TEAD3: variants seen among roughly 807,000 people sequenced by gnomAD.
The protein encoded by TEAD3 is transcriptional enhancer factor TEF-5.
A neutral mutation model predicts 55.6 loss-of-function variants in TEAD3; 15 were observed. The observed-to-expected ratio is 0.27, with a 90% confidence interval of 0.18 to 0.42. The LOEUF (loss-of-function observed/expected upper bound fraction) is 0.42, where lower values mean the gene tolerates loss of function less well. Ranked by LOEUF, TEAD3 falls within the 10% of genes least tolerant of loss-of-function variation. The probability of loss-of-function intolerance (pLI) is 1.00; values close to 1 mark genes in which losing one functional copy is unlikely to be tolerated. For missense variants in TEAD3, 407 were observed against 576.8 expected (o/e 0.71, Z 3.01); for synonymous variants, 210 against 232.2 (o/e 0.90, Z 0.87).
At chr6:35,478,816 C>T (rs1224058857) in intron 5 of TEAD3, among the ~76,000 whole-genome samples, 1 of 152,054 alleles carries the variant, frequency 6.6e-6, no homozygotes, top group East Asian at 1.9e-4. Flanking sequence ...TTATTTTATT[C>T]CAAAGGCCAA....
Position 35,483,361 on chromosome 6 carries a change from G to A in TEAD3, c.267+1199C>T, listed in dbSNP as rs1273144358. ...AGGACAGGAGGCTGGGAGTGTGAGG[G>A]TAGCACTGGCCTCCATTCCTCCAGG... On this transcript the variant is annotated intron_variant, in intron 3 of 12. Coordinates refer to ENST00000639578, the Ensembl canonical transcript of TEAD3. The surrounding 1 kb of genome is among the most constrained non-coding windows in gnomAD (Gnocchi z 4.5). 6.6e-6 allele frequency among the ~76,000 whole-genome samples: 1 copy of A among 152,116 alleles called. No individual in the cohort carries two copies. The highest frequency in any genetic ancestry group is 2.4e-5 in the African/African-American group (1 of 41,398).
chr6:35,475,762 C>T lies in TEAD3; in HGVS notation c.901-56G>A. On this transcript the variant is annotated intron_variant, in intron 10 of 12. Transcript: ENST00000639578. This position sits in a 1 kb window ranked among gnomAD's most constrained non-coding sequence, Gnocchi z 5.4. Reference sequence around the variant, plus strand: ...TGGCAGAGACCAGAAGTATTCCCGCCACACCACATCAGAGTCCTGCCCAAG... The same window carrying T: ...TGGCAGAGACCAGAAGTATTCCCGCTACACCACATCAGAGTCCTGCCCAAG... 2.0e-6 allele frequency: 3 copies of T among 1,527,042 alleles called. No individual in the cohort carries two copies. Among genetic ancestry groups the T allele is most frequent in the Non-Finnish European group, 1.8e-6 (2 of 1,138,392 alleles). 94.6% of individuals were successfully genotyped at this position (1,527,042 alleles called of 1,614,324 possible). A position where few individuals can be genotyped will look rare whatever the true frequency, so the allele number is the denominator to read the frequency against.
exon 13 of TEAD3, chr6:35,474,953 G>T: frequency 8.8e-7 from 1 of 1,140,242 alleles, no homozygotes; most frequent in Non-Finnish European, 1.2e-6. Context: ...GCAGGTAGAT[G>T]AATCCTCAAT....
Position 35,475,330 on chromosome 6 carries a change from C to G in TEAD3, c.1194+6G>C. 6.2e-7 allele frequency: 1 copy of G among 1,612,868 alleles called. No individual in the cohort carries two copies. The highest frequency in any genetic ancestry group is 1.7e-4 in the Middle Eastern group (1 of 6,038). On this transcript the variant is annotated splice_donor_region_variant and intron_variant, in intron 12 of 12. Coordinates refer to ENST00000639578, the Ensembl canonical transcript of TEAD3. This position sits in a 1 kb window ranked among gnomAD's most constrained non-coding sequence, Gnocchi z 5.4. ...GGACTCCCCACGACCCCTGCTGCCC[C>G]CATACCTGCAGGATGGTGAAGTTCT...
rs1271667095 is a variant in TEAD3 at position 35,491,331 on chromosome 6, T to C, written c.-49-4620A>G. The stretch of plus-strand genomic sequence containing the variant: ...ACAGACAAGGCAACCAACAAAGACC[T>C]AGAAAGAGACACACAGCAGAGAGGG... On this transcript the variant is annotated intron_variant, in intron 1 of 12. Coordinates refer to ENST00000639578, the Ensembl canonical transcript of TEAD3. This position sits in a 1 kb window ranked among gnomAD's most constrained non-coding sequence, Gnocchi z 4.4. Among the ~76,000 whole-genome samples the C allele has an allele frequency of 6.8e-6, 1 of 148,048 alleles. No individual in the cohort carries two copies. The highest frequency in any genetic ancestry group is 1.5e-5 in the Non-Finnish European group (1 of 67,234).
intron 3 of TEAD3, among the ~76,000 whole-genome samples, chr6:35,481,631 G>T (rs1284307095): frequency 6.6e-6 from 1 of 152,134 alleles, no homozygotes; most frequent in African/African-American, 2.4e-5. Context: ...GATCTTTACA[G>T]CAACACAAAA....
At chr6:35,489,808 A>T (rs1289719475) in intron 1 of TEAD3, among the ~76,000 whole-genome samples, 1 of 152,178 alleles carries the variant, frequency 6.6e-6, no homozygotes, top group Non-Finnish European at 1.5e-5. Flanking sequence ...GCACTCTGGG[A>T]AGCTCACTTG....
chr6:35,477,186 C>T, intron 8 of TEAD3, 125 bp downstream of exon 8: 1 of 963,668 alleles, frequency 1.0e-6, no homozygotes, highest in Non-Finnish European at 1.6e-6. Flanking sequence ...TATTCCTGGC[C>T]TGTCCCAATC....
rs1374972024 is a variant in TEAD3 at position 35,491,632 on chromosome 6, C to A, written c.-49-4921G>T. On this transcript the variant is annotated intron_variant, in intron 1 of 12. Transcript: ENST00000639578. The surrounding 1 kb of genome is among the most constrained non-coding windows in gnomAD (Gnocchi z 4.4). ...CTGTTGTACCTGTCCTGCAAACCCGCCAGCAGGCTGCAGACCCCCAGGGGA... is the reference window on the plus strand; with the variant it reads ...CTGTTGTACCTGTCCTGCAAACCCGACAGCAGGCTGCAGACCCCCAGGGGA... Among the ~76,000 whole-genome samples the A allele has an allele frequency of 1.3e-5, 2 of 152,206 alleles. No homozygotes were observed. Among genetic ancestry groups the A allele is most frequent in the Non-Finnish European group, 2.9e-5 (2 of 68,016 alleles).
At chr6:35,478,480 C>A in exon 6 of TEAD3, 2 of 1,612,764 alleles carry the variant, frequency 1.2e-6, no homozygotes, top group Non-Finnish European at 1.7e-6. Context: ...GGAAGGTGGG[C>A]TGAACTTGTT....
At chr6:35,489,420 A>G (rs944550660) in intron 1 of TEAD3, among the ~76,000 whole-genome samples, 2 of 152,144 alleles carry the variant, frequency 1.3e-5, no homozygotes, top group Non-Finnish European at 2.9e-5. Context: ...CCACCACCTG[A>G]GAGAGAAAGG....
chr6:35,489,973 A>G (rs1352321068), intron 1 of TEAD3, among the ~76,000 whole-genome samples: 3 of 152,138 alleles, frequency 2.0e-5, no homozygotes, highest in Non-Finnish European at 4.4e-5. Context: ...CTGTTGAAAT[A>G]GTTGGGATGC....
chr6:35,486,627 G>A lies in TEAD3; in HGVS notation c.36C>T (p.Pro12=), dbSNP rs776682888. The change falls in exon 2 of 13, where the codon CCC becomes CCT. Residue 12 remains proline (P), a synonymous_variant. Coordinates refer to ENST00000639578, the Ensembl canonical transcript of TEAD3. This position sits in a 1 kb window ranked among gnomAD's most constrained non-coding sequence, Gnocchi z 7.3. ...CGGGCCCATCCTCCCGGGCCTCCCC[G>A]GGGCTGCTGCTGGCGTTCCAGCTGT... The A allele has an allele frequency of 7.4e-6, 12 of 1,612,914 alleles. No individual in the cohort carries two copies. Among genetic ancestry groups the A allele is most frequent in the African/African-American group, 5.3e-5 (4 of 74,944 alleles).
intron 1 of TEAD3, among the ~76,000 whole-genome samples, chr6:35,492,062 C>A (rs1230049792): frequency 1.3e-5 from 2 of 152,230 alleles, no homozygotes; most frequent in Non-Finnish European, 2.9e-5. Flanking sequence ...TTCCCCTGCA[C>A]CAGCCCTGCT....
At chr6:35,489,556 C>G (rs905433186) in intron 1 of TEAD3, among the ~76,000 whole-genome samples, 3 of 152,164 alleles carry the variant, frequency 2.0e-5, no homozygotes, top group African/African-American at 7.2e-5. Flanking sequence ...CCAGAGCCAC[C>G]AGGAATCTCT....
Position 35,496,341 on chromosome 6 carries a change from G to C in TEAD3, c.-50+557C>G, listed in dbSNP as rs1437007580. ...CTCCCTGCCTCTCAGGGGACACACG[G>C]CCGGGGCGCGCGGCTTTGGTCCCAG... On this transcript the variant is annotated intron_variant, in intron 1 of 12. Coordinates refer to ENST00000639578, the Ensembl canonical transcript of TEAD3. This position sits in a 1 kb window ranked among gnomAD's most constrained non-coding sequence, Gnocchi z 4.8. Among the ~76,000 whole-genome samples the C allele has an allele frequency of 1.3e-5, 2 of 152,196 alleles. No homozygotes were observed. The highest frequency in any genetic ancestry group is 2.9e-5 in the Non-Finnish European group (2 of 68,022).
At position 35,477,455 on chromosome 6, in the gene TEAD3, G is replaced by A; in HGVS notation, c.531-83C>T. On this transcript the variant is annotated intron_variant, in intron 7 of 12. Coordinates refer to ENST00000639578, the Ensembl canonical transcript of TEAD3. ...CCCAGCCCCTCTTCCAAGACCCCAG[G>A]AGCAAGCCACCCAGCCTTTCTGCTG... 5.9e-6 allele frequency: 8 copies of A among 1,361,454 alleles called. No individual in the cohort carries two copies. In the South Asian group the frequency reaches 8.7e-5, roughly 15 times the overall value. The allele number at this position is 1,361,454 out of a possible 1,614,324, so 84.3% of individuals were successfully genotyped here.
chr6:35,486,686 G>A lies in TEAD3; in HGVS notation c.-24C>T. 6.2e-7 allele frequency: 1 copy of A among 1,606,834 alleles called. No homozygotes were observed. The highest frequency in any genetic ancestry group is 8.5e-7 in the Non-Finnish European group (1 of 1,176,742). ...ATTGTGCTGGTTGCTCTGGGCTCTG[G>A]GCCTGAGCCCACTGGGCGGCTGAGC... On this transcript the variant is annotated 5_prime_UTR_variant, in exon 2 of 13. Coordinates refer to ENST00000639578, the Ensembl canonical transcript of TEAD3. This position sits in a 1 kb window ranked among gnomAD's most constrained non-coding sequence, Gnocchi z 7.3.
intron 3 of TEAD3, 183 bp downstream of exon 4, chr6:35,480,129 A>G (rs1672463871): frequency 6.5e-7 from 1 of 1,546,832 alleles, no homozygotes; most frequent in African/African-American, 1.4e-5. Context: ...AGACCTGTAG[A>G]GAGAGAAAGA....
Sources: gnomAD v4.1 joint callset for allele counts (sites outside exome capture counted in the v4.1 genomes callset) on GRCh38, gnomAD v4.1.1 for gene constraint, Gnocchi (gnomAD v3.1) non-coding constraint, MANE v1.5 for transcripts, NCBI Gene and HGNC (gene_info 2026-07-23, HGNC 2026-07-21) for gene names.